The following RGS6 variants were observed in gnomAD, a reference collection of about 807,000 sequenced individuals.
RGS6 encodes the protein regulator of G-protein signaling 6.
RGS6 carries 30 observed loss-of-function variants against 78.5 expected under a neutral mutation model. The observed-to-expected ratio is 0.38, with a 90% CI of 0.29 to 0.52. The LOEUF is 0.52. Ranked by LOEUF, RGS6 falls within the 20% of genes least tolerant of loss-of-function variation. The pLI, the probability that RGS6 is intolerant of heterozygous loss-of-function variation, is 0.85. For missense variants in RGS6, 495 were observed against 609.7 expected (o/e 0.81, Z 1.98); for synonymous variants, 206 against 206.0 (o/e 1.00, Z 0.00).
chr14:72,290,081 CAT>C (rs1165471496), intron 2 of RGS6, among the ~76,000 whole-genome samples: 1 of 152,144 alleles, frequency 6.6e-6, no homozygotes, highest in Non-Finnish European at 1.5e-5. Context: ...CATGGTGAAT[CAT>C]AAATAAGAAA....
chr14:72,477,075 C>T, intron 11 of RGS6: 1 of 493,084 alleles, frequency 2.0e-6, no homozygotes, highest in Non-Finnish European at 3.7e-6. Flanking sequence ...GTAAATGAGT[C>T]ATCCCATGCC....
chr14:72,094,016 A>G (rs2095344011), intron 2 of RGS6, among the ~76,000 whole-genome samples: 1 of 152,214 alleles, frequency 6.6e-6, no homozygotes, highest in South Asian at 2.1e-4. Context: ...GCTGTATCAT[A>G]AAAATAAAGA....
At chr14:72,226,382 A>T (rs553404771) in intron 2 of RGS6, among the ~76,000 whole-genome samples, 3 of 152,262 alleles carry the variant, frequency 2.0e-5, no homozygotes, top group Admixed American at 2.0e-4. Flanking sequence ...AGTATATGAG[A>T]TGAAAAATAT....
At chr14:72,444,485 C>T (rs115461586) in intron 3 of RGS6, among the ~76,000 whole-genome samples, 319 of 152,260 alleles carry the variant, frequency 2.1e-3, no homozygotes, top group African/African-American at 7.4e-3. Flanking sequence ...TAGTCCTGGA[C>T]GTTTCAGGAA....
intron 17 of RGS6, among the ~76,000 whole-genome samples, chr14:72,560,768 T>C (rs2097661847): frequency 6.6e-6 from 1 of 151,278 alleles, no homozygotes; most frequent in South Asian, 2.1e-4. Context: ...AAGATTCAGA[T>C]AAGGTTGCTG....
the RGS6 span, among the ~76,000 whole-genome samples, chr14:72,607,055 G>A: frequency 2.0e-5 from 3 of 152,050 alleles, no homozygotes; most frequent in African/African-American, 7.2e-5. Flanking sequence ...AACACAAAAT[G>A]GACTAACACC....
chr14:72,550,439 C>T, intron 17 of RGS6: 1 of 1,529,682 alleles, frequency 6.5e-7, no homozygotes, highest in Non-Finnish European at 8.8e-7. Flanking sequence ...TACATCTGAG[C>T]CCCCGTGCCT....
intron 3 of RGS6, among the ~76,000 whole-genome samples, chr14:72,356,349 C>G (rs183823733): frequency 8.5e-5 from 13 of 152,218 alleles, no homozygotes; most frequent in South Asian, 6.2e-4. Context: ...TAAGACATGC[C>G]TTTTTTCCCC....
At chr14:72,533,632 G>A (rs1435921741) in intron 15 of RGS6, among the ~76,000 whole-genome samples, 1 of 152,228 alleles carries the variant, frequency 6.6e-6, no homozygotes, top group Non-Finnish European at 1.5e-5. Context: ...TTCGTGGAAA[G>A]AAGTAAAAAT....
chr14:72,109,625 A>G (rs1453588921), intron 2 of RGS6, among the ~76,000 whole-genome samples: 1 of 152,232 alleles, frequency 6.6e-6, no homozygotes, highest in Non-Finnish European at 1.5e-5. Flanking sequence ...AGATGACAAT[A>G]CAGAAATAAA....
intron 3 of RGS6, among the ~76,000 whole-genome samples, chr14:72,364,252 C>T (rs1435168519): frequency 1.3e-5 from 2 of 152,114 alleles, no homozygotes; most frequent in Admixed American, 6.6e-5. Flanking sequence ...AGCCCCAGGA[C>T]AGAAGACAAA....
At chr14:72,129,926 G>C (rs2096279379) in intron 2 of RGS6, among the ~76,000 whole-genome samples, 1 of 152,234 alleles carries the variant, frequency 6.6e-6, no homozygotes, top group Middle Eastern at 3.4e-3. Flanking sequence ...GCTCAATTCA[G>C]TTCTGACACT....
chr14:71,923,411 C>T, the RGS6 span, among the ~76,000 whole-genome samples: 1 of 152,040 alleles, frequency 6.6e-6, no homozygotes, highest in Non-Finnish European at 1.5e-5. Flanking sequence ...TCAAAAGAAG[C>T]CTGGCATGGA....
chr14:72,009,072 G>A (rs2215132), intron 2 of RGS6, among the ~76,000 whole-genome samples: 98,857 of 152,116 alleles, frequency 0.65, 32,994 homozygotes, highest in Non-Finnish European at 0.74. Flanking sequence ...TAAAAACCTT[G>A]GGCCAGGAGT....
intron 2 of RGS6, among the ~76,000 whole-genome samples, chr14:71,998,824 T>G (rs989243882): frequency 2.6e-5 from 4 of 152,226 alleles, no homozygotes; most frequent in African/African-American, 9.6e-5. Context: ...AGTTAAGAAC[T>G]GTTTCAGTCT....
intron 13 of RGS6, among the ~76,000 whole-genome samples, chr14:72,504,921 A>ATTTTTTTT (rs34953560): frequency 2.2e-4 from 17 of 76,080 alleles, no homozygotes; most frequent in African/African-American, 5.6e-4. Context: ...CGCCCAGCTA[A>ATTTTTTTT]TTTTTTTTTT....
chr14:72,148,308 A>G (rs1036965218), intron 2 of RGS6, among the ~76,000 whole-genome samples: 3 of 151,874 alleles, frequency 2.0e-5, no homozygotes, highest in Non-Finnish European at 2.9e-5. Flanking sequence ...GAGGGTGGGA[A>G]GATCACTTGT....
At chr14:72,197,698 G>T (rs868798569) in intron 2 of RGS6, among the ~76,000 whole-genome samples, 12 of 151,982 alleles carry the variant, frequency 7.9e-5, no homozygotes, top group African/African-American at 2.9e-4. Context: ...GCATCTCGGG[G>T]CCCAAATTTC....
chr14:71,942,699 C>A (rs925996044), intron 1 of RGS6, among the ~76,000 whole-genome samples: 3 of 152,048 alleles, frequency 2.0e-5, no homozygotes, highest in African/African-American at 7.2e-5. Context: ...GCTGAAATAC[C>A]CCAGTTAGAA....
Sources: gnomAD v4.1 joint callset for allele counts (sites outside exome capture counted in the v4.1 genomes callset) on GRCh38, gnomAD v4.1.1 for gene constraint, MANE v1.5 for transcripts, NCBI Gene and HGNC (gene_info 2026-07-23, HGNC 2026-07-21) for gene names.